ATG7: variants seen among roughly 807,000 people sequenced by gnomAD.
ATG7 encodes autophagy related 7, also known as ubiquitin-like modifier-activating enzyme ATG7.
Under a neutral mutation model 82.4 loss-of-function variants are expected in ATG7, and 70 were observed. The observed-to-expected ratio is 0.85, with a 90% CI of 0.70 to 1.04. ATG7 has a LOEUF of 1.04. Ranked by LOEUF, ATG7 falls within the 50% of genes least tolerant of loss-of-function variation. The pLI is 0.00. For missense variants in ATG7, 792 were observed against 864.3 expected (o/e 0.92, Z 1.05); for synonymous variants, 287 against 313.0 (o/e 0.92, Z 0.88).
At chr3:11,345,731 T>A (rs2152783366) in intron 13 of ATG7, among the ~76,000 whole-genome samples, 1 of 152,270 alleles carries the variant, frequency 6.6e-6, no homozygotes, top group East Asian at 1.9e-4. Flanking sequence ...TCTGTCTCAT[T>A]TTGCTTTCAG....
At chr3:11,475,907 A>ACACACCC (rs766157655) in intron 20 of ATG7, among the ~76,000 whole-genome samples, 1 of 146,252 alleles carries the variant, frequency 6.8e-6, no homozygotes, top group African/African-American at 2.6e-5. Context: ...ACACACACAC[A>ACACACCC]CCCCCTCCCA....
chr3:11,448,763 C>T (rs757182448), intron 20 of ATG7, among the ~76,000 whole-genome samples: 3 of 152,284 alleles, frequency 2.0e-5, no homozygotes, highest in Non-Finnish European at 4.4e-5. Context: ...ACAGAGGCAT[C>T]AGTAAACGGG....
chr3:11,366,358 T>C (rs991949717), intron 18 of ATG7, among the ~76,000 whole-genome samples: 8 of 152,196 alleles, frequency 5.3e-5, no homozygotes, highest in African/African-American at 1.9e-4. Context: ...CAAAACACTA[T>C]GAAAATGTGC....
At chr3:11,298,343 G>A (rs906392766) in intron 3 of ATG7, among the ~76,000 whole-genome samples, 3 of 152,196 alleles carry the variant, frequency 2.0e-5, no homozygotes, top group Non-Finnish European at 4.4e-5. Context: ...TAGACAGAAA[G>A]TAGAATGGTG....
At chr3:11,310,424 G>A (rs971743767) in intron 7 of ATG7, among the ~76,000 whole-genome samples, 2 of 152,088 alleles carry the variant, frequency 1.3e-5, no homozygotes, top group Non-Finnish European at 1.5e-5. Flanking sequence ...ATGCAGGGGA[G>A]GCCTCTGATT....
At chr3:11,422,174 A>G (rs565220552) in intron 19 of ATG7, among the ~76,000 whole-genome samples, 8 of 152,306 alleles carry the variant, frequency 5.3e-5, no homozygotes, top group South Asian at 2.1e-4. Context: ...GAGTCAGCCT[A>G]TTTTTTGAAG....
chr3:11,417,318 G>A (rs985882945), intron 19 of ATG7, among the ~76,000 whole-genome samples: 13 of 152,124 alleles, frequency 8.5e-5, no homozygotes, highest in African/African-American at 1.2e-4. Context: ...TCTTCTTGCC[G>A]TACTGTTAGT....
intron 20 of ATG7, among the ~76,000 whole-genome samples, chr3:11,481,545 C>A (rs552075846): frequency 6.6e-6 from 1 of 152,240 alleles, no homozygotes; most frequent in Admixed American, 6.5e-5. Context: ...GAGAATATTA[C>A]CTAAGATCTT....
Position 11,425,095 on chromosome 3 carries a change from T to G in ATG7, c.1957-1709T>G, listed in dbSNP as rs140280448. Among the ~76,000 whole-genome samples, 401 of 152,276 alleles carry G rather than the reference T, an allele frequency of 2.6e-3. 2 individuals carry two copies. Among genetic ancestry groups the G allele is most frequent in the Admixed American group, 4.9e-3 (75 of 15,300 alleles). ...CTCCCACTTTAGCTTCCCAAGTAGCTGGAATTACAGGTGCACTCCACCATG... is the reference window on the plus strand; with the variant it reads ...CTCCCACTTTAGCTTCCCAAGTAGCGGGAATTACAGGTGCACTCCACCATG... On this transcript the variant is annotated intron_variant, in intron 19 of 20. Coordinates refer to ENST00000693202, the MANE Select transcript of ATG7 (RefSeq NM_001349232.2).
intron 11 of ATG7, among the ~76,000 whole-genome samples, chr3:11,337,336 G>A (rs936327242): frequency 2.6e-5 from 4 of 151,940 alleles, no homozygotes; most frequent in African/African-American, 4.8e-5. Context: ...ACCTGTAGTC[G>A]CAGCTACTCA....
intron 4 of ATG7, 108 bp downstream of exon 4, chr3:11,298,963 G>T: frequency 8.2e-7 from 1 of 1,226,808 alleles, no homozygotes; most frequent in Non-Finnish European, 1.1e-6. Context: ...TTTATAATCA[G>T]TGCTCTTCAC....
At chr3:11,456,669 T>C (rs539239610) in intron 20 of ATG7, among the ~76,000 whole-genome samples, 1 of 152,168 alleles carries the variant, frequency 6.6e-6, no homozygotes, top group South Asian at 2.1e-4. Context: ...TTCTTTCTAC[T>C]CCCCCCACTA....
At chr3:11,480,915 G>A (rs1487336342) in intron 20 of ATG7, among the ~76,000 whole-genome samples, 2 of 152,220 alleles carry the variant, frequency 1.3e-5, no homozygotes, top group Non-Finnish European at 2.9e-5. Flanking sequence ...TACATCTGAG[G>A]AGAGCAAGAG....
chr3:11,489,845 T>A (rs1028191637), intron 20 of ATG7, among the ~76,000 whole-genome samples: 2 of 152,156 alleles, frequency 1.3e-5, no homozygotes, highest in African/African-American at 2.4e-5. Flanking sequence ...TGAGAGACAG[T>A]TTGTTATAAT....
chr3:11,488,449 G>A (rs968294098), intron 20 of ATG7: 112 of 1,270,408 alleles, frequency 8.8e-5, no homozygotes, highest in African/African-American at 3.5e-4. Context: ...GGCTGCGGTC[G>A]GTCGCGGCAG....
Position 11,321,405 on chromosome 3 carries a change from A to G in ATG7, c.678+5912A>G, listed in dbSNP as rs146246974. Among the ~76,000 whole-genome samples the G allele has an allele frequency of 8.3e-3, 595 of 72,066 alleles. 1 individual carries two copies. The highest frequency in any genetic ancestry group is 0.011 in the Middle Eastern group (2 of 180). 47.3% of individuals were successfully genotyped at this position (72,066 alleles called of 152,430 possible). On this transcript the variant is annotated intron_variant, in intron 9 of 20. Transcript: ENST00000693202. ...CCAGCCACCAACAGCTGGGACTGCC[A>G]TGGTCTCAGTTTTGACCGTGACCAG...
In ATG7 at chr3:11,478,958, A is replaced by G. The variant is rs967593350; in HGVS notation, c.2079+52032A>G. 2.0e-5 allele frequency among the ~76,000 whole-genome samples: 3 copies of G among 150,628 alleles called. 1 individual carries two copies. The highest frequency in any genetic ancestry group is 7.3e-5 in the African/African-American group (3 of 41,244). ...GTACTACCTGAACACACAAGGAGAA[A>G]TAAACTTTGAATATGTGCCTGTATA... On this transcript the variant is annotated intron_variant, in intron 20 of 20. Coordinates refer to ENST00000693202, the MANE Select transcript of ATG7 (RefSeq NM_001349232.2).
chr3:11,303,493 C>G (rs1575292739), intron 5 of ATG7, among the ~76,000 whole-genome samples: 1 of 151,572 alleles, frequency 6.6e-6, no homozygotes, highest in African/African-American at 2.4e-5. Context: ...CATGGTGAAA[C>G]CCCGTCTCTA....
At chr3:11,393,615 G>A (rs1250314261) in intron 19 of ATG7, among the ~76,000 whole-genome samples, 3 of 152,144 alleles carry the variant, frequency 2.0e-5, no homozygotes, top group South Asian at 2.1e-4. Context: ...TTTAGTCAGA[G>A]CCATTGATGA....
Sources: gnomAD v4.1 joint callset for allele counts (sites outside exome capture counted in the v4.1 genomes callset) on GRCh38, gnomAD v4.1.1 for gene constraint, MANE v1.5 for transcripts, NCBI Gene and HGNC (gene_info 2026-07-23, HGNC 2026-07-21) for gene names.